Variants in LINGO2 observed in about 807,000 individuals in gnomAD.
LINGO2 encodes the protein leucine rich repeat and Ig domain containing 2.
A neutral mutation model predicts 30.6 loss-of-function variants in LINGO2; 14 were observed. That is an observed-to-expected ratio of 0.46 (90% confidence interval 0.30 to 0.72). The LOEUF (loss-of-function observed/expected upper bound fraction) is 0.72, where lower values mean the gene tolerates loss of function less well. Among genes scored for constraint, LINGO2 ranks in the 30% least tolerant of loss-of-function variants. The probability of loss-of-function intolerance (pLI) is 0.07; values close to 1 mark genes in which losing one functional copy is unlikely to be tolerated. For missense variants in LINGO2, 729 were observed against 751.7 expected (o/e 0.97, Z 0.35); for synonymous variants, 317 against 288.5 (o/e 1.10, Z -1.00).
At chr9:28,413,777 G>A (rs1053649062) in intron 2 of LINGO2, among the ~76,000 whole-genome samples, 5 of 151,938 alleles carry the variant, frequency 3.3e-5, no homozygotes, top group African/African-American at 1.2e-4. Context: ...TACTTCAAAC[G>A]GAGGCTATGC....
intron 4 of LINGO2, among the ~76,000 whole-genome samples, chr9:28,153,647 G>A (rs749626491): frequency 6.6e-6 from 1 of 152,070 alleles, no homozygotes; most frequent in Non-Finnish European, 1.5e-5. Context: ...TTTCGAGTTC[G>A]TCAATTTTTA....
chr9:28,201,140 C>A (rs545031216), intron 4 of LINGO2, among the ~76,000 whole-genome samples: 31 of 150,022 alleles, frequency 2.1e-4, no homozygotes, highest in Non-Finnish European at 3.7e-4. Context: ...GGTTAGTTAC[C>A]TATGTATACA....
At chr9:28,776,100 G>C in the LINGO2 span, among the ~76,000 whole-genome samples, 1 of 152,132 alleles carries the variant, frequency 6.6e-6, no homozygotes, top group Non-Finnish European at 1.5e-5. Context: ...TCCTGAAAAA[G>C]TCAGTTTATG....
chr9:28,071,624 A>G (rs1825479872), intron 4 of LINGO2, among the ~76,000 whole-genome samples: 1 of 151,452 alleles, frequency 6.6e-6, no homozygotes, highest in African/African-American at 2.4e-5. Flanking sequence ...GCCCCTAAAA[A>G]CACTAGAAGG....
intron 5 of LINGO2, among the ~76,000 whole-genome samples, chr9:28,005,409 A>T (rs1420703342): frequency 6.6e-6 from 1 of 152,178 alleles, no homozygotes; most frequent in Non-Finnish European, 1.5e-5. Flanking sequence ...AGGATTAAAA[A>T]ACTTTTCTCA....
intron 1 of LINGO2, among the ~76,000 whole-genome samples, chr9:28,538,257 T>A (rs1366919647): frequency 6.6e-6 from 1 of 151,930 alleles, no homozygotes; most frequent in African/African-American, 2.4e-5. Context: ...AATAGGAATA[T>A]AAAATAAATT....
chr9:28,401,968 C>T lies in LINGO2; in HGVS notation c.-278-29100G>A, dbSNP rs959837233. On this transcript the variant is annotated intron_variant, in intron 2 of 5. Transcript: ENST00000379992. ...GGTGTCTGTTCATATCATTTGCCTA[C>T]CTTTTGATGGGGTTGTGTTTTTTTC... Among the ~76,000 whole-genome samples, 230 of 152,078 alleles carry T rather than the reference C, an allele frequency of 1.5e-3. 1 individual carries two copies. Among genetic ancestry groups the T allele is most frequent in the Non-Finnish European group, 4.0e-4 (27 of 67,980 alleles).
chr9:28,220,243 A>G lies in LINGO2; in HGVS notation c.-87+74965T>C, dbSNP rs186235437. ...AATTCCCTGTGGATACTGAGGGATG[A>G]CTGTAGTCCTTTGGAAAAGAAACTG... On this transcript the variant is annotated intron_variant, in intron 4 of 5. Coordinates refer to ENST00000379992, the Ensembl canonical transcript of LINGO2. 5.0e-4 allele frequency among the ~76,000 whole-genome samples: 76 copies of G among 152,296 alleles called. 1 individual carries two copies. Among genetic ancestry groups the G allele is most frequent in the Admixed American group, 1.8e-3 (28 of 15,294 alleles).
chr9:29,111,027 T>A, the LINGO2 span, among the ~76,000 whole-genome samples: 2 of 152,170 alleles, frequency 1.3e-5, no homozygotes, highest in Non-Finnish European at 2.9e-5. Context: ...CTAAGCAAAG[T>A]CAAACAAATG....
intron 5 of LINGO2, among the ~76,000 whole-genome samples, chr9:27,987,541 G>T (rs1190342155): frequency 2.0e-5 from 3 of 151,880 alleles, no homozygotes; most frequent in Non-Finnish European, 4.4e-5. Context: ...CTAGATCACT[G>T]TTAGATTAAA....
the LINGO2 span, among the ~76,000 whole-genome samples, chr9:28,757,046 A>G: frequency 1.3e-5 from 2 of 152,060 alleles, 1 homozygote; most frequent in East Asian, 3.9e-4. Context: ...TATAAATCCA[A>G]TGATGATGAT....
chr9:28,526,638 A>G (rs1236728385), intron 1 of LINGO2, among the ~76,000 whole-genome samples: 2 of 152,186 alleles, frequency 1.3e-5, no homozygotes, highest in Admixed American at 1.3e-4. Flanking sequence ...TTAAGGTAAT[A>G]GAGGCTGAAA....
At chr9:29,171,663 CAG>C in the LINGO2 span, among the ~76,000 whole-genome samples, 1 of 151,658 alleles carries the variant, frequency 6.6e-6, no homozygotes, top group Non-Finnish European at 1.5e-5. Context: ...TAATATCAAA[CAG>C]GTATTCAATA....
At chr9:28,304,793 G>A (rs908118218) in intron 3 of LINGO2, among the ~76,000 whole-genome samples, 1 of 151,962 alleles carries the variant, frequency 6.6e-6, no homozygotes, top group Non-Finnish European at 1.5e-5. Flanking sequence ...CCAGCTCAGA[G>A]ACTAACTCAA....
chr9:28,483,996 C>A lies in LINGO2; in HGVS notation c.-364-7971G>T, dbSNP rs546310464. 6.8e-4 allele frequency among the ~76,000 whole-genome samples: 104 copies of A among 152,134 alleles called. 1 individual carries two copies. The highest frequency in any genetic ancestry group is 2.4e-3 in the African/African-American group (99 of 41,532). ...TAACTTAAGTAGAGAGAAAGAAATA[C>A]CACCTCAATATACCAGGCTAAGCTT... On this transcript the variant is annotated intron_variant, in intron 1 of 5. Coordinates refer to ENST00000379992, the Ensembl canonical transcript of LINGO2.
chr9:28,088,952 T>C (rs916903834), intron 4 of LINGO2, among the ~76,000 whole-genome samples: 2 of 151,764 alleles, frequency 1.3e-5, no homozygotes, highest in African/African-American at 2.4e-5. Context: ...CCAACAAAGA[T>C]CAAAAGAGAC....
intron 4 of LINGO2, among the ~76,000 whole-genome samples, chr9:28,197,499 T>C (rs934180924): frequency 3.3e-5 from 5 of 152,000 alleles, no homozygotes; most frequent in African/African-American, 1.2e-4. Flanking sequence ...AAAATGTTAA[T>C]AGTCATTAGT....
chr9:28,639,038 T>A (rs1403101431), intron 1 of LINGO2, among the ~76,000 whole-genome samples: 2 of 152,174 alleles, frequency 1.3e-5, no homozygotes, highest in African/African-American at 4.8e-5. Flanking sequence ...CTCGTTGGTT[T>A]CAAAGAACAT....
At chr9:28,570,752 A>G (rs1823649039) in intron 1 of LINGO2, among the ~76,000 whole-genome samples, 1 of 151,950 alleles carries the variant, frequency 6.6e-6, no homozygotes, top group Non-Finnish European at 1.5e-5. Flanking sequence ...AATTGGTCAA[A>G]CAGTAGAACA....
Sources: allele counts gnomAD v4.1 joint callset (sites outside exome capture counted in the v4.1 genomes callset), GRCh38; gene constraint gnomAD v4.1.1; transcripts MANE v1.5; gene names NCBI Gene and HGNC (gene_info 2026-07-23, HGNC 2026-07-21).